The following UTP25 variants were observed in gnomAD, a reference collection of about 807,000 sequenced individuals.
UTP25 encodes UTP25 small subunit processome component, also known as U3 small nucleolar RNA-associated protein 25 homolog.
A neutral mutation model predicts 78.9 loss-of-function variants in UTP25; 50 were observed. The ratio of observed to expected loss-of-function variants is 0.63; its 90% CI spans 0.50 to 0.80. UTP25 has a LOEUF of 0.80. UTP25 is among the 30% of genes least tolerant of loss of function. The pLI is 0.00. For synonymous variants in UTP25, 329 were observed against 336.5 expected, an observed-to-expected ratio of 0.98 and a Z score of 0.24; for missense variants, 846 against 911.3, an observed-to-expected ratio of 0.93 and a Z score of 0.92.
chr1:209,832,972 G>A (rs1176271378), intron 3 of UTP25, among the ~76,000 whole-genome samples: 2 of 152,166 alleles, frequency 1.3e-5, no homozygotes, highest in Non-Finnish European at 1.5e-5. Context: ...TGGGCACTGT[G>A]TCCCAGCCAA....
chr1:209,833,623 A>G (rs1022938695), intron 4 of UTP25, among the ~76,000 whole-genome samples: 1 of 152,162 alleles, frequency 6.6e-6, no homozygotes, highest in African/African-American at 2.4e-5. Context: ...GAGTCAGGGG[A>G]AGATTTCTGA....
chr1:209,830,048 A>G (rs1227977085), intron 1 of UTP25, 60 bp from the exon 2 acceptor site: 2 of 1,449,606 alleles, frequency 1.4e-6, no homozygotes, highest in East Asian at 4.6e-5. Flanking sequence ...ATCTCATTTG[A>G]CCTTTTCCTA....
chr1:209,837,782 AT>A (rs2102573030), intron 6 of UTP25, among the ~76,000 whole-genome samples: 1 of 152,320 alleles, frequency 6.6e-6, no homozygotes, highest in South Asian at 2.1e-4. Context: ...GCTCTAGTGG[AT>A]TTGAGGCCTT....
chr1:209,854,938 G>T lies in UTP25; in HGVS notation c.*3491G>T, dbSNP rs929611054. ...CTTTCCCATCTTTTCTCTCAAAGGA[G>T]CATGGTAGTGATCTTCATTACCAAA... is the stretch of plus-strand genomic sequence containing the variant. On this transcript the variant is annotated 3_prime_UTR_variant, in exon 12 of 12. Transcript: ENST00000491415. 3 of 152,162 alleles carry T rather than the reference G, an allele frequency of 2.0e-5. No individual in the cohort carries two copies. Among genetic ancestry groups the T allele is most frequent in the Non-Finnish European group, 4.4e-5 (3 of 68,038 alleles). 9.4% of individuals were successfully genotyped at this position (152,162 alleles called of 1,614,324 possible). A position where few individuals can be genotyped will look rare whatever the true frequency, so the allele number is the denominator to read the frequency against.
chr1:209,842,521 C>G, intron 9 of UTP25, 62 bp from the exon 10 acceptor site: 2 of 1,610,060 alleles, frequency 1.2e-6, no homozygotes, highest in South Asian at 2.2e-5. Context: ...TAGAAGGAGG[C>G]GATAGCTTCT....
intron 6 of UTP25, among the ~76,000 whole-genome samples, chr1:209,838,339 T>G (rs1358679457): frequency 6.6e-6 from 1 of 151,882 alleles, no homozygotes; most frequent in Non-Finnish European, 1.5e-5. Flanking sequence ...GAAAGCTGAG[T>G]CCTGTTTTTC....
chr1:209,830,020 C>A, intron 1 of UTP25, 88 bp from the exon 2 acceptor site: 1 of 1,144,584 alleles, frequency 8.7e-7, no homozygotes, highest in South Asian at 1.4e-5. Context: ...ATGTTATATT[C>A]TGCCTTTTTC....
intron 3 of UTP25, among the ~76,000 whole-genome samples, chr1:209,831,767 TGTAGATTA>T (rs1381912913): frequency 1.3e-5 from 2 of 152,212 alleles, no homozygotes; most frequent in African/African-American, 2.4e-5. Flanking sequence ...CTTCTGTCAC[TGTAGATTA>T]GTTTTGCCTG....
In UTP25 at chr1:209,851,360, G is replaced by C; in HGVS notation, c.2184G>C (p.Arg728Ser). 1 of 1,614,200 alleles carries C rather than the reference G, an allele frequency of 6.2e-7. No homozygotes were observed. The highest frequency in any genetic ancestry group is 8.5e-7 in the Non-Finnish European group (1 of 1,180,038). ...TVLYSKYDAQ[R>S]LAAVVGVERA... ...TCTACTCCAAATATGATGCCCAGAG[G>C]TTAGCTGCCGTGGTTGGTGTGGAGC... Residue 728 changes from arginine to serine, a missense_variant, in exon 12 of 12, where the codon AGG (arginine) becomes AGC (serine). Physicochemically the swap from Arg to Ser is moderately radical, Grantham distance 110. Transcript: ENST00000491415.
intron 1 of UTP25, among the ~76,000 whole-genome samples, chr1:209,829,721 A>G (rs1261977409): frequency 6.6e-6 from 1 of 152,036 alleles, no homozygotes; most frequent in Admixed American, 6.6e-5. Context: ...CCTGGGCTCA[A>G]GTGATTCTCC....
chr1:209,841,176 G>GAC, intron 8 of UTP25, 121 bp downstream of exon 8: 2 of 992,036 alleles, frequency 2.0e-6, no homozygotes, highest in Non-Finnish European at 3.0e-6. Context: ...TGGAAGCAAG[G>GAC]ACACACACTC....
In UTP25 at chr1:209,854,005, A is replaced by T. The variant is rs1160709416; in HGVS notation, c.*2558A>T. 6.6e-6 allele frequency: 1 copy of T among 152,216 alleles called. No homozygotes were observed. The highest frequency in any genetic ancestry group is 2.4e-5 in the African/African-American group (1 of 41,442). The allele number at this position is 152,216 out of a possible 1,614,324, so 9.4% of individuals were successfully genotyped here. ...GCAGTTAGCCCTGGCTCCTTAGTGCATTGCAGAGTGGAGTCTCTGCAATGG... is the reference window on the plus strand; with the variant it reads ...GCAGTTAGCCCTGGCTCCTTAGTGCTTTGCAGAGTGGAGTCTCTGCAATGG... On this transcript the variant is annotated 3_prime_UTR_variant, in exon 12 of 12. Transcript: ENST00000491415.
intron 3 of UTP25, among the ~76,000 whole-genome samples, chr1:209,831,668 A>G (rs2078104051): frequency 6.6e-6 from 1 of 152,186 alleles, no homozygotes; most frequent in African/African-American, 2.4e-5. Context: ...CCAAATCAAG[A>G]TACAGAACAT....
In UTP25 at chr1:209,830,754, A is replaced by G. The variant is rs766198706; in HGVS notation, c.148-49A>G. On this transcript the variant is annotated intron_variant, in intron 2 of 11. Transcript: ENST00000491415. ...GGCTTGATGATAGTTTTAGGGTAAC[A>G]ATAAGAACAATATAGTTTTTGTTCT... The G allele has an allele frequency of 9.5e-6, 15 of 1,586,298 alleles. No homozygotes were observed. The South Asian group carries it at 1.7e-4, about 18-fold the overall frequency.
chr1:209,842,431 T>A lies in UTP25; in HGVS notation c.1652T>A (p.Val551Asp). 1 of 1,614,160 alleles carries A rather than the reference T, an allele frequency of 6.2e-7. No homozygotes were observed. Among genetic ancestry groups the A allele is most frequent in the Non-Finnish European group, 8.5e-7 (1 of 1,179,986 alleles). ...AACTCAGTGTTCAACAAGTACTGTG[T>A]CAACATGCAAGGCCAGGTGGGTTCT... ...QINSVFNKYC[V>D]NMQGQVAVRN... The change falls in exon 9 of 12, where the codon GTC (valine) becomes GAC (aspartate). Residue 551 changes from valine to aspartate, a missense_variant. Val to Asp is a radical substitution (Grantham distance 152, BLOSUM62 -3). Transcript: ENST00000491415.
chr1:209,840,440 C>T (rs1394787032), intron 7 of UTP25, among the ~76,000 whole-genome samples: 2 of 152,228 alleles, frequency 1.3e-5, no homozygotes, highest in South Asian at 4.1e-4. Flanking sequence ...TTAGTACATT[C>T]TGTGCCGTTT....
chr1:209,851,217 G>A lies in UTP25; in HGVS notation c.2041G>A (p.Gly681Ser). 1 of 1,613,104 alleles carries A rather than the reference G, an allele frequency of 6.2e-7. No homozygotes were observed. Among genetic ancestry groups the A allele is most frequent in the Non-Finnish European group, 8.5e-7 (1 of 1,179,744 alleles). ...FHFYKRYTIK[G>S]IRNLIFYELP... is the part of the protein sequence containing the mutation. Reference sequence around the variant, plus strand: ...CAATTCTGACAGGTATACAATAAAAGGCATCAGGAACCTGATTTTCTATGA... The same window carrying A: ...CAATTCTGACAGGTATACAATAAAAAGCATCAGGAACCTGATTTTCTATGA... Residue 681 changes from glycine to serine, a missense_variant, in exon 12 of 12, where the codon GGC (glycine) becomes AGC (serine). By Grantham distance (56) the Gly-to-Ser change is moderately conservative (BLOSUM62 0). Coordinates refer to ENST00000491415, the MANE Select transcript of UTP25 (RefSeq NM_014388.7).
chr1:209,851,180 GCTCT>G lies in UTP25; in HGVS notation c.2028-23_2028-20del, dbSNP rs1251941815. The G allele has an allele frequency of 1.2e-6, 2 of 1,600,482 alleles. No individual in the cohort carries two copies. Among genetic ancestry groups the G allele is most frequent in the South Asian group, 2.3e-5 (2 of 88,544 alleles). ...AGAACTTGTTTCTCAAGTTGACATA[GCTCT>G]TTCTTTCCAATTCTGACAGGTATAC... On this transcript the variant is annotated intron_variant, in intron 11 of 11. Coordinates refer to ENST00000491415, the MANE Select transcript of UTP25 (RefSeq NM_014388.7).
At chr1:209,833,092 G>T in intron 3 of UTP25, 93 bp from the exon 4 acceptor site, 1 of 1,207,166 alleles carries the variant, frequency 8.3e-7, no homozygotes, top group Non-Finnish European at 1.1e-6. Flanking sequence ...ATCAATGAAC[G>T]CTATTGTTGG....
Sources: gnomAD v4.1 joint callset for allele counts (sites outside exome capture counted in the v4.1 genomes callset) on GRCh38, gnomAD v4.1.1 for gene constraint, MANE v1.5 for transcripts, NCBI Gene and HGNC (gene_info 2026-07-23, HGNC 2026-07-21) for gene names.